The following NAA35 variants were observed in gnomAD, a reference collection of about 807,000 sequenced individuals.
NAA35 encodes the protein MAK10 homolog, amino-acid N-acetyltransferase subunit.
A neutral mutation model predicts 101.7 loss-of-function variants in NAA35; 18 were observed. That is an observed-to-expected ratio of 0.18 (90% CI 0.12 to 0.26). The LOEUF is 0.26. NAA35 is among the 10% of genes least tolerant of loss of function. NAA35 has a pLI of 1.00. For missense variants in NAA35, 601 were observed against 886.8 expected, an observed-to-expected ratio of 0.68 and a Z score of 4.09; for synonymous variants, 267 against 273.1, an observed-to-expected ratio of 0.98 and a Z score of 0.22.
Position 86,022,013 on chromosome 9 carries a change from T to C in NAA35, c.*53T>C. On this transcript the variant is annotated 3_prime_UTR_variant, in exon 23 of 23. Transcript: ENST00000361671. ...GGCAGAGTCTTCTTTCAGACCCAAC[T>C]CTTAGAGGGCACATCACCAGGCTCC... The C allele has an allele frequency of 7.2e-7, 1 of 1,388,256 alleles. No homozygotes were observed. Among genetic ancestry groups the C allele is most frequent in the Non-Finnish European group, 1.0e-6 (1 of 982,768 alleles). The allele number at this position is 1,388,256 out of a possible 1,614,324, so 86.0% of individuals were successfully genotyped here. A position where few individuals can be genotyped will look rare whatever the true frequency, so the allele number is the denominator to read the frequency against.
At chr9:85,952,801 G>C (rs1829078308) in intron 2 of NAA35, among the ~76,000 whole-genome samples, 1 of 152,200 alleles carries the variant, frequency 6.6e-6, no homozygotes, top group Non-Finnish European at 1.5e-5. Flanking sequence ...ATTTTGCCCT[G>C]TAGGTACCTC....
chr9:86,000,162 T>C (rs1402910132), intron 12 of NAA35, among the ~76,000 whole-genome samples: 2 of 152,068 alleles, frequency 1.3e-5, no homozygotes, highest in Non-Finnish European at 2.9e-5. Flanking sequence ...ATCATGTGAT[T>C]TTTGTCTTTA....
chr9:85,941,622 G>A, intron 1 of NAA35: 1 of 986,344 alleles, frequency 1.0e-6, no homozygotes, highest in Non-Finnish European at 1.2e-6. Flanking sequence ...CTCGGCCCTA[G>A]GCCCGGCCGG....
intron 12 of NAA35, 33 bp downstream of exon 12, chr9:85,996,610 T>C: frequency 6.8e-7 from 1 of 1,461,018 alleles, no homozygotes; most frequent in South Asian, 1.4e-5. Flanking sequence ...GAATGTAACT[T>C]CCATTTAAAA....
chr9:85,970,009 G>A (rs1230502107), intron 6 of NAA35, among the ~76,000 whole-genome samples: 1 of 152,068 alleles, frequency 6.6e-6, no homozygotes, highest in African/African-American at 2.4e-5. Flanking sequence ...GTTAGATTTG[G>A]TCTTAAACTT....
Position 85,975,013 on chromosome 9 carries a change from T to A in NAA35, c.563T>A (p.Val188Glu). 6.2e-7 allele frequency: 1 copy of A among 1,613,108 alleles called. No homozygotes were observed. Among genetic ancestry groups the A allele is most frequent in the Admixed American group, 1.7e-5 (1 of 60,010 alleles). ...MTYGFKMANS[V>E]TDLRVTGMLK... The stretch of plus-strand genomic sequence containing the variant: ...TATGGATTTAAAATGGCTAACAGTG[T>A]GACAGATCTTCGAGTTACAGGTAAA... The change falls in exon 7 of 23, where the codon GTG becomes GAG. Residue 188 changes from valine (V) to glutamate (E), a missense_variant. Coordinates refer to ENST00000361671, the MANE Select transcript of NAA35 (RefSeq NM_024635.4).
At chr9:85,964,162 G>T in intron 6 of NAA35, among the ~76,000 whole-genome samples, 1 of 149,712 alleles carries the variant, frequency 6.7e-6, no homozygotes. Context: ...TTCTTATTGG[G>T]GAATAATTTC....
intron 8 of NAA35, among the ~76,000 whole-genome samples, chr9:85,975,454 T>G (rs1050217070): frequency 3.3e-5 from 5 of 152,172 alleles, no homozygotes; most frequent in African/African-American, 1.2e-4. Context: ...TCAAGGATGC[T>G]CAAGTCTCTT....
chr9:85,983,239 A>T lies in NAA35; in HGVS notation c.877+4858A>T, dbSNP rs192566602. Among the ~76,000 whole-genome samples, 438 of 152,314 alleles carry T rather than the reference A, an allele frequency of 2.9e-3. 6 individuals are homozygous for T. In the South Asian group the frequency reaches 0.034, roughly 12 times the overall value. On this transcript the variant is annotated intron_variant, in intron 11 of 22. Transcript: ENST00000361671. ...GTAGTCATTATTGTGACCTACTTTG[A>T]TTCCCCATCTGCTCCTCTCCTCGCT... is the stretch of plus-strand genomic sequence containing the variant.
chr9:86,020,217 C>A (rs1352542890), intron 21 of NAA35, among the ~76,000 whole-genome samples: 1 of 152,002 alleles, frequency 6.6e-6, no homozygotes, highest in African/African-American at 2.4e-5. Context: ...AGGAGAGACA[C>A]TTTTTAAAAA....
intron 2 of NAA35, among the ~76,000 whole-genome samples, chr9:85,955,989 TA>T (rs1402317482): frequency 1.3e-5 from 2 of 152,218 alleles, no homozygotes; most frequent in Non-Finnish European, 2.9e-5. Context: ...TAGATTATGG[TA>T]ACGTGGTTTA....
At chr9:85,993,536 G>A (rs1831019543) in intron 11 of NAA35, among the ~76,000 whole-genome samples, 1 of 152,224 alleles carries the variant, frequency 6.6e-6, no homozygotes, top group South Asian at 2.1e-4. Context: ...GATAGACTGA[G>A]AAATTGCACA....
At position 85,959,682 on chromosome 9, in the gene NAA35, G is replaced by C. The variant is rs79460678; in HGVS notation, c.274-111G>C. ...CAGATGATAAGATAGCATTTTCTTAGAATTGCTGTTTTTAAATATTGAATG... is the reference window on the plus strand; with the variant it reads ...CAGATGATAAGATAGCATTTTCTTACAATTGCTGTTTTTAAATATTGAATG... On this transcript the variant is annotated intron_variant, in intron 4 of 22. Transcript: ENST00000361671. 842 of 661,474 alleles carry C rather than the reference G, an allele frequency of 1.3e-3. 10 individuals carry two copies. In the African/African-American group the frequency reaches 0.014, roughly 11 times the overall value. The allele number at this position is 661,474 out of a possible 1,614,324, so 41.0% of individuals were successfully genotyped here.
intron 2 of NAA35, among the ~76,000 whole-genome samples, chr9:85,954,064 A>C (rs994435676): frequency 4.6e-5 from 7 of 152,106 alleles, no homozygotes; most frequent in African/African-American, 1.7e-4. Context: ...GCTGGATCAT[A>C]TGGTAATTCT....
At chr9:85,990,099 G>A (rs1449244757) in intron 11 of NAA35, among the ~76,000 whole-genome samples, 2 of 152,222 alleles carry the variant, frequency 1.3e-5, no homozygotes, top group Non-Finnish European at 2.9e-5. Flanking sequence ...CATGGTGCAT[G>A]CTCAGCTTCT....
chr9:86,005,972 A>T (rs1831622337), intron 13 of NAA35, among the ~76,000 whole-genome samples: 1 of 151,874 alleles, frequency 6.6e-6, no homozygotes. Flanking sequence ...GAAGTTCAAG[A>T]TCAGCCTGGC....
intron 2 of NAA35, among the ~76,000 whole-genome samples, chr9:85,951,652 A>C (rs1483455842): frequency 6.6e-6 from 1 of 152,134 alleles, no homozygotes; most frequent in Admixed American, 6.6e-5. Context: ...AGTTATGCAG[A>C]TCTTCCAAAA....
rs1429207032 is a variant in NAA35, at chr9:85,978,343, A to G, written c.839A>G (p.His280Arg). Residue 280 changes from histidine (H) to arginine (R), a missense_variant, in exon 11 of 23, where the codon CAT (histidine) becomes CGT (arginine). By Grantham distance (29) the His-to-Arg change is conservative. This residue lies in a region of NAA35 where 190 missense variants were observed against 223.1 expected (regional missense o/e 0.85). Coordinates refer to ENST00000361671, the MANE Select transcript of NAA35 (RefSeq NM_024635.4). The part of the protein sequence containing the change: ...DLLSAIHNSL[H>R]HGIQAQNDTT... ...CTTTCTGCCATTCATAATTCATTGC[A>G]TCATGGCATCCAGGCCCAGAATGAT... The G allele has an allele frequency of 6.2e-7, 1 of 1,612,950 alleles. No individual in the cohort carries two copies.
rs2118557132 is a variant in NAA35, at chr9:86,023,589, A to T, written c.*1629A>T. ...ATATGTCCCCCTTAAAAGCAAAAAA[A>T]GGAATGTAGATTAATGCAACAAGGG... On this transcript the variant is annotated 3_prime_UTR_variant, in exon 23 of 23. Coordinates refer to ENST00000361671, the MANE Select transcript of NAA35 (RefSeq NM_024635.4). 6.6e-6 allele frequency among the ~76,000 whole-genome samples: 1 copy of T among 152,318 alleles called. No homozygotes were observed. Among genetic ancestry groups the T allele is most frequent in the East Asian group, 1.9e-4 (1 of 5,190 alleles).
Sources: gnomAD v4.1 joint callset for allele counts (sites outside exome capture counted in the v4.1 genomes callset) on GRCh38, gnomAD v4.1.1 for gene constraint, gnomAD v4.1.1 regional missense constraint, MANE v1.5 for transcripts, NCBI Gene and HGNC (gene_info 2026-07-23, HGNC 2026-07-21) for gene names.